TMEM236: variants seen among roughly 807,000 people sequenced by gnomAD.
TMEM236 encodes the protein family with sequence similarity 23, member A.
In TMEM236, 11 loss-of-function variants were observed where a neutral mutation model predicts 14.7. That is an observed-to-expected ratio of 0.75 (90% confidence interval 0.47 to 1.24). The LOEUF is 1.24. Among genes scored for constraint, TMEM236 ranks in the 50% most tolerant of loss-of-function variants. TMEM236 has a pLI of 0.00. For synonymous variants in TMEM236, 182 were observed against 168.6 expected (o/e 1.08, Z -0.62); for missense variants, 464 against 427.3 (o/e 1.09, Z -0.76).
At chr10:17,756,283 A>G (rs1403163537) in intron 1 of TMEM236, among the ~76,000 whole-genome samples, 2 of 151,650 alleles carry the variant, frequency 1.3e-5, no homozygotes, top group Admixed American at 6.6e-5. Flanking sequence ...AGAAATATCT[A>G]CTTCACCTCA....
rs1241181569 is a variant in TMEM236, at chr10:17,796,946, T to A, written c.*442T>A. The A allele has an allele frequency of 5.4e-6, 1 of 186,130 alleles. No homozygotes were observed. Among genetic ancestry groups the A allele is most frequent in the African/African-American group, 2.4e-5 (1 of 41,732 alleles). 11.5% of individuals were successfully genotyped at this position (186,130 alleles called of 1,614,324 possible). A position where few individuals can be genotyped will look rare whatever the true frequency, so the allele number is the denominator to read the frequency against. Reference sequence around the variant, plus strand: ...AGCCCAAACCCTATTGTGAACTGCGTATGCAAGGGATCTAGCTTTCGCTCT... The same window carrying A: ...AGCCCAAACCCTATTGTGAACTGCGAATGCAAGGGATCTAGCTTTCGCTCT... On this transcript the variant is annotated 3_prime_UTR_variant, in exon 4 of 4. Transcript: ENST00000377495.
At chr10:17,793,704 A>T (rs1837964665) in intron 3 of TMEM236, among the ~76,000 whole-genome samples, 2 of 152,100 alleles carry the variant, frequency 1.3e-5, no homozygotes, top group African/African-American at 4.8e-5. Context: ...GCTGGTCTCG[A>T]ACTTCTGAAC....
At chr10:17,772,132 A>C (rs1208891054) in intron 2 of TMEM236, among the ~76,000 whole-genome samples, 1 of 152,218 alleles carries the variant, frequency 6.6e-6, no homozygotes, top group Non-Finnish European at 1.5e-5. Context: ...GGACCCAGGA[A>C]ATATGGCCGA....
Position 17,796,532 on chromosome 10 carries a change from T to C in TMEM236, c.*28T>C. Reference sequence around the variant, plus strand: ...AGGAAATGGGATCTAGTAAGGCCTCTTTGTGATACCTGTGTGCACATTTGT... The same window carrying C: ...AGGAAATGGGATCTAGTAAGGCCTCCTTGTGATACCTGTGTGCACATTTGT... On this transcript the variant is annotated 3_prime_UTR_variant, in exon 4 of 4. Coordinates refer to ENST00000377495, the MANE Select transcript of TMEM236 (RefSeq NM_001098844.3). 2 of 1,545,202 alleles carry C rather than the reference T, an allele frequency of 1.3e-6. No individual in the cohort carries two copies.
chr10:17,798,579 C>A lies in TMEM236; in HGVS notation c.*2075C>A, dbSNP rs907442683. 59,734 of 534,312 alleles carry A rather than the reference C, an allele frequency of 0.11. 3,710 individuals are homozygous for A. Among genetic ancestry groups the A allele is most frequent in the East Asian group, 0.19 (3,567 of 18,322 alleles). 33.1% of individuals were successfully genotyped at this position (534,312 alleles called of 1,614,324 possible). ...ATTTGACGTTGTGTTATTCTACGCT[C>A]CACCAAATACCTCTCCCCTTGCCAC... On this transcript the variant is annotated 3_prime_UTR_variant, in exon 4 of 4. Transcript: ENST00000377495.
At position 17,781,745 on chromosome 10, in the gene TMEM236, CAAAAAAAAAAAAA is replaced by C. The variant is rs67839025; in HGVS notation, c.472+5584_472+5596del. 2.1e-5 allele frequency among the ~76,000 whole-genome samples: 2 copies of C among 96,848 alleles called. 1 individual carries two copies. The highest frequency in any genetic ancestry group is 7.1e-4 in the South Asian group (2 of 2,826). The allele number at this position is 96,848 out of a possible 152,430, so 63.5% of individuals were successfully genotyped here. The stretch of plus-strand genomic sequence containing the variant: ...TGGGTGATAGAACATACCTCTGTCT[CAAAAAAAAAAAAA>C]AAAAAAAAGGAAAGAAAATTTGCAT... On this transcript the variant is annotated intron_variant, in intron 3 of 3. Transcript: ENST00000377495.
At chr10:17,795,822 A>G in intron 3 of TMEM236, 99 bp from the exon 4 acceptor site, 1 of 1,219,842 alleles carries the variant, frequency 8.2e-7, no homozygotes, top group Non-Finnish European at 1.2e-6. Context: ...AAGAATATGG[A>G]GAATTCCACC....
Position 17,796,693 on chromosome 10 carries a change from TA to T in TMEM236, c.*192del, listed in dbSNP as rs1391449969. On this transcript the variant is annotated 3_prime_UTR_variant, in exon 4 of 4. Coordinates refer to ENST00000377495, the MANE Select transcript of TMEM236 (RefSeq NM_001098844.3). ...ATATACAAATGGTGCTAAATTTAAG[TA>T]AAGTAATATTCTTATAAGTTGGCTC... 1 of 607,350 alleles carries T rather than the reference TA, an allele frequency of 1.6e-6. No homozygotes were observed. The highest frequency in any genetic ancestry group is 2.9e-6 in the Non-Finnish European group (1 of 347,624). 37.6% of individuals were successfully genotyped at this position (607,350 alleles called of 1,614,324 possible).
intron 3 of TMEM236, among the ~76,000 whole-genome samples, chr10:17,779,594 A>G (rs1198838088): frequency 6.6e-6 from 1 of 152,106 alleles, no homozygotes; most frequent in Non-Finnish European, 1.5e-5. Flanking sequence ...TATTTTTAGT[A>G]GAGATGGGGT....
At chr10:17,778,165 C>T (rs1837690041) in intron 3 of TMEM236, among the ~76,000 whole-genome samples, 1 of 152,202 alleles carries the variant, frequency 6.6e-6, no homozygotes, top group South Asian at 2.1e-4. Flanking sequence ...ATTTGTACAA[C>T]TGCTTCTCAC....
At chr10:17,754,563 A>G (rs916785472) in intron 1 of TMEM236, among the ~76,000 whole-genome samples, 6 of 152,156 alleles carry the variant, frequency 3.9e-5, no homozygotes, top group African/African-American at 7.2e-5. Flanking sequence ...CTGGGCTCAA[A>G]CAATCCACCC....
chr10:17,768,092 T>TTTTG (rs1322830473), intron 1 of TMEM236, among the ~76,000 whole-genome samples: 6 of 121,454 alleles, frequency 4.9e-5, no homozygotes, highest in South Asian at 2.7e-4. Flanking sequence ...TGTGGTTTTT[T>TTTTG]TTTTTTTTTT....
chr10:17,796,348 A>T lies in TMEM236; in HGVS notation c.900A>T (p.Pro300=), dbSNP rs921888360. 3 of 1,613,650 alleles carry T rather than the reference A, an allele frequency of 1.9e-6. No individual in the cohort carries two copies. Among genetic ancestry groups the T allele is most frequent in the African/African-American group, 1.3e-5 (1 of 74,836 alleles). Reference sequence around the variant, plus strand: ...TGAGCGTCCTGCTGCAAGATTTACCATTCGTTTTTGTTAGACTTGGTTTAA... The same window carrying T: ...TGAGCGTCCTGCTGCAAGATTTACCTTTCGTTTTTGTTAGACTTGGTTTAA... ...NSLSVLLQDL[P]FVFVRLGLII... The change falls in exon 4 of 4, where the codon CCA becomes CCT. Residue 300 remains proline (P), a synonymous_variant. Coordinates refer to ENST00000377495, the MANE Select transcript of TMEM236 (RefSeq NM_001098844.3).
chr10:17,791,230 G>C (rs1837919113), intron 3 of TMEM236, among the ~76,000 whole-genome samples: 1 of 151,566 alleles, frequency 6.6e-6, no homozygotes, highest in African/African-American at 2.4e-5. Flanking sequence ...GGATCACTTG[G>C]GTCCAGGAAT....
intron 3 of TMEM236, among the ~76,000 whole-genome samples, chr10:17,788,559 T>C (rs1437861071): frequency 7.1e-6 from 1 of 141,106 alleles, no homozygotes. Context: ...AAGACCAGCC[T>C]GAGTAACATA....
Position 17,752,255 on chromosome 10 carries a change from A to G in TMEM236, c.-41A>G. ...GGGTCCATATGCTGCCCACAGTCAAAGAGGGAGTCCCAGGTTCTTGGCAGC... is the reference window on the plus strand; with the variant it reads ...GGGTCCATATGCTGCCCACAGTCAAGGAGGGAGTCCCAGGTTCTTGGCAGC... On this transcript the variant is annotated 5_prime_UTR_variant, in exon 1 of 4. Coordinates refer to ENST00000377495, the MANE Select transcript of TMEM236 (RefSeq NM_001098844.3). 1.2e-6 allele frequency: 2 copies of G among 1,613,926 alleles called. No homozygotes were observed. The highest frequency in any genetic ancestry group is 1.7e-6 in the Non-Finnish European group (2 of 1,179,830).
At chr10:17,779,492 T>C (rs1279298539) in intron 3 of TMEM236, among the ~76,000 whole-genome samples, 1 of 152,160 alleles carries the variant, frequency 6.6e-6, no homozygotes, top group Non-Finnish European at 1.5e-5. Flanking sequence ...GTTAATTAAT[T>C]AATTTTTTGA....
chr10:17,763,407 A>G (rs930063442), intron 1 of TMEM236, among the ~76,000 whole-genome samples: 12 of 152,134 alleles, frequency 7.9e-5, no homozygotes, highest in African/African-American at 2.9e-4. Context: ...CTTCAGCAAC[A>G]TAGCAAGACC....
chr10:17,798,349 G>C lies in TMEM236; in HGVS notation c.*1845G>C, dbSNP rs1450608142. On this transcript the variant is annotated 3_prime_UTR_variant, in exon 4 of 4. Transcript: ENST00000377495. The stretch of plus-strand genomic sequence containing the variant: ...AGTCCAGGAGTCTGAGACCAGCCTG[G>C]GCAACATGGAGAGATTCTACCTCTA... 1.1e-5 allele frequency: 4 copies of C among 348,308 alleles called. No individual in the cohort carries two copies. The Admixed American group carries it at 1.6e-4, about 14-fold the overall frequency. 21.6% of individuals were successfully genotyped at this position (348,308 alleles called of 1,614,324 possible).
Sources: gnomAD v4.1 joint callset for allele counts (sites outside exome capture counted in the v4.1 genomes callset) on GRCh38, gnomAD v4.1.1 for gene constraint, MANE v1.5 for transcripts, NCBI Gene and HGNC (gene_info 2026-07-23, HGNC 2026-07-21) for gene names.